Variants in ST8SIA2 observed in about 807,000 individuals in gnomAD.
ST8SIA2 encodes the protein ST8 alpha-N-acetyl-neuraminide alpha-2,8-sialyltransferase 2, also known as alpha-2,8-sialyltransferase 8B.
A neutral mutation model predicts 37.6 loss-of-function variants in ST8SIA2; 22 were observed. That is an observed-to-expected ratio of 0.58 (90% confidence interval 0.42 to 0.83). The LOEUF (loss-of-function observed/expected upper bound fraction) is 0.83. Among genes scored for constraint, ST8SIA2 ranks in the 40% least tolerant of loss-of-function variants. The pLI is 0.00. For synonymous variants in ST8SIA2, 205 were observed against 201.2 expected (o/e 1.02, Z -0.16); for missense variants, 382 against 484.7 (o/e 0.79, Z 1.99).
intron 1 of ST8SIA2, among the ~76,000 whole-genome samples, chr15:92,424,413 T>C (rs753911223): frequency 1.7e-4 from 26 of 152,108 alleles, no homozygotes; most frequent in Non-Finnish European, 3.1e-4. Flanking sequence ...AAATAAACAA[T>C]TGGGCTTGGA....
intron 5 of ST8SIA2, among the ~76,000 whole-genome samples, chr15:92,457,307 C>G (rs1304571850): frequency 1.3e-5 from 2 of 152,194 alleles, no homozygotes; most frequent in African/African-American, 4.8e-5. Flanking sequence ...GTGACAGCCA[C>G]TATTCTTTCC....
chr15:92,422,832 C>T (rs1259610372), intron 1 of ST8SIA2: 1 of 152,582 alleles, frequency 6.6e-6, no homozygotes, highest in East Asian at 1.9e-4. Flanking sequence ...AAGCACTTGT[C>T]AGCTGGTGGG....
chr15:92,399,617 A>G (rs1035339802), intron 1 of ST8SIA2, among the ~76,000 whole-genome samples: 4 of 152,190 alleles, frequency 2.6e-5, no homozygotes, highest in Non-Finnish European at 4.4e-5. Context: ...AAAAAAGCCC[A>G]TTCTTCTCCC....
At chr15:92,432,778 G>A (rs1318305184) in intron 2 of ST8SIA2, among the ~76,000 whole-genome samples, 1 of 152,170 alleles carries the variant, frequency 6.6e-6, no homozygotes. Flanking sequence ...GGAGGTGGGT[G>A]CATGAAGGGA....
In ST8SIA2 at chr15:92,464,474, C is replaced by A; in HGVS notation, c.*89C>A. The stretch of plus-strand genomic sequence containing the variant: ...AGTCGGGGTGGCACAAACAATAGAA[C>A]AAGCAGGCTAGTGGTTTTCTTTGTT... On this transcript the variant is annotated 3_prime_UTR_variant, in exon 6 of 6. Coordinates refer to ENST00000268164, the MANE Select transcript of ST8SIA2 (RefSeq NM_006011.4). 6.9e-7 allele frequency: 1 copy of A among 1,442,630 alleles called. No homozygotes were observed. The highest frequency in any genetic ancestry group is 9.7e-7 in the Non-Finnish European group (1 of 1,026,286). The allele number at this position is 1,442,630 out of a possible 1,614,324, so 89.4% of individuals were successfully genotyped here. A position where few individuals can be genotyped will look rare whatever the true frequency, so the allele number is the denominator to read the frequency against.
In ST8SIA2 at chr15:92,393,962, C is replaced by G; in HGVS notation, c.-103C>G. 1 of 689,586 alleles carries G rather than the reference C, an allele frequency of 1.5e-6. No homozygotes were observed. Among genetic ancestry groups the G allele is most frequent in the Non-Finnish European group, 2.1e-6 (1 of 480,122 alleles). The allele number at this position is 689,586 out of a possible 1,614,324, so 42.7% of individuals were successfully genotyped here. A position where few individuals can be genotyped will look rare whatever the true frequency, so the allele number is the denominator to read the frequency against. On this transcript the variant is annotated 5_prime_UTR_variant, in exon 1 of 6. Coordinates refer to ENST00000268164, the MANE Select transcript of ST8SIA2 (RefSeq NM_006011.4). ...CTCGTCCGGAGCGCAGGGTGTCTGC[C>G]CAGCTGCGCGCGGCGCGCGGAGGCT...
At chr15:92,428,923 A>G (rs114014141) in intron 1 of ST8SIA2, among the ~76,000 whole-genome samples, 18 of 152,338 alleles carry the variant, frequency 1.2e-4, no homozygotes, top group African/African-American at 4.3e-4. Context: ...AGACATGTAC[A>G]TATAAGCATG....
rs2050005325 is a variant in ST8SIA2, at chr15:92,468,035, T to C, written c.*3650T>C. On this transcript the variant is annotated 3_prime_UTR_variant, in exon 6 of 6. Coordinates refer to ENST00000268164, the MANE Select transcript of ST8SIA2 (RefSeq NM_006011.4). ...ATCCCGTCAGCCACCCAGTCTGAGA[T>C]GCTGACGTTATCTTCGACTATTCTT... 1.3e-5 allele frequency: 2 copies of C among 152,294 alleles called. No homozygotes were observed. Among genetic ancestry groups the C allele is most frequent in the East Asian group, 1.9e-4 (1 of 5,194 alleles). The allele number at this position is 152,294 out of a possible 1,614,324, so 9.4% of individuals were successfully genotyped here. A position where few individuals can be genotyped will look rare whatever the true frequency, so the allele number is the denominator to read the frequency against.
intron 1 of ST8SIA2, among the ~76,000 whole-genome samples, chr15:92,403,608 G>GTATC (rs1440569374): frequency 1.3e-5 from 2 of 152,148 alleles, no homozygotes; most frequent in African/African-American, 4.8e-5. Context: ...GCGGAGGAGT[G>GTATC]ATACCCAGGG....
chr15:92,466,204 G>C lies in ST8SIA2; in HGVS notation c.*1819G>C, dbSNP rs2049990926. 1 of 152,218 alleles carries C rather than the reference G, an allele frequency of 6.6e-6. No individual in the cohort carries two copies. Among genetic ancestry groups the C allele is most frequent in the African/African-American group, 2.4e-5 (1 of 41,442 alleles). The allele number at this position is 152,218 out of a possible 1,614,324, so 9.4% of individuals were successfully genotyped here. Reference sequence around the variant, plus strand: ...TCCCTTGTTGTTGCTTGAAGTCTGTGATTGGGGATTTGCGTTATAAAATGA... The same window carrying C: ...TCCCTTGTTGTTGCTTGAAGTCTGTCATTGGGGATTTGCGTTATAAAATGA... On this transcript the variant is annotated 3_prime_UTR_variant, in exon 6 of 6. Coordinates refer to ENST00000268164, the MANE Select transcript of ST8SIA2 (RefSeq NM_006011.4).
chr15:92,394,231 C>T (rs1414669256), intron 1 of ST8SIA2, 69 bp downstream of exon 1: 2 of 1,301,514 alleles, frequency 1.5e-6, no homozygotes, highest in Non-Finnish European at 2.2e-6. Context: ...GTACTCTCCA[C>T]CCTCCGACCC....
chr15:92,443,384 G>A (rs986478081), intron 4 of ST8SIA2, among the ~76,000 whole-genome samples: 3 of 152,316 alleles, frequency 2.0e-5, no homozygotes, highest in Middle Eastern at 3.4e-3. Context: ...CTCCCACAAG[G>A]AAGTCATCAG....
intron 5 of ST8SIA2, among the ~76,000 whole-genome samples, chr15:92,462,899 T>A (rs547855953): frequency 6.6e-6 from 1 of 152,294 alleles, no homozygotes; most frequent in East Asian, 1.9e-4. Context: ...AGAGGGAGAA[T>A]AACTGTGATG....
chr15:92,408,511 G>C (rs2049524574), intron 1 of ST8SIA2, among the ~76,000 whole-genome samples: 1 of 152,092 alleles, frequency 6.6e-6, no homozygotes, highest in South Asian at 2.1e-4. Context: ...AAGGGATGAA[G>C]GGGAGGGAGT....
In ST8SIA2 at chr15:92,394,157, A is replaced by G. The variant is rs1024134032; in HGVS notation, c.93A>G (p.Glu31=). ...IFADISEIEE[E]IGNSGGRGTI... ...CAGACATCTCAGAGATCGAAGAAGAAATCGGGTAAATAGCTGCTCCCAGGC... is the reference window on the plus strand; with the variant it reads ...CAGACATCTCAGAGATCGAAGAAGAGATCGGGTAAATAGCTGCTCCCAGGC... Residue 31 remains glutamate (E), a synonymous_variant, in exon 1 of 6, where the codon GAA becomes GAG. Coordinates refer to ENST00000268164, the MANE Select transcript of ST8SIA2 (RefSeq NM_006011.4). 1.9e-6 allele frequency: 3 copies of G among 1,555,016 alleles called. No homozygotes were observed. The Admixed American group carries it at 5.8e-5, about 30-fold the overall frequency.
At chr15:92,401,230 C>T (rs865862058) in intron 1 of ST8SIA2, among the ~76,000 whole-genome samples, 14 of 152,318 alleles carry the variant, frequency 9.2e-5, no homozygotes, top group African/African-American at 2.6e-4. Context: ...GCTCATCTTC[C>T]GGAGAGGCAC....
chr15:92,443,362 C>A (rs554996092), intron 4 of ST8SIA2, among the ~76,000 whole-genome samples: 6 of 152,314 alleles, frequency 3.9e-5, no homozygotes, highest in South Asian at 2.1e-4. Context: ...GGTGTGCACA[C>A]CCAGGCCGGG....
At chr15:92,451,485 T>C (rs1014336948) in intron 5 of ST8SIA2, among the ~76,000 whole-genome samples, 38 of 152,228 alleles carry the variant, frequency 2.5e-4, no homozygotes, top group African/African-American at 9.2e-4. Context: ...CAGTTGAGGT[T>C]GCCCTTGCCC....
At chr15:92,457,201 CT>C (rs2049925737) in intron 5 of ST8SIA2, among the ~76,000 whole-genome samples, 1 of 152,340 alleles carries the variant, frequency 6.6e-6, no homozygotes, top group African/African-American at 2.4e-5. Context: ...TGATGACCAC[CT>C]GTGAGGCATT....
Sources: gnomAD v4.1 joint callset for allele counts (sites outside exome capture counted in the v4.1 genomes callset) on GRCh38, gnomAD v4.1.1 for gene constraint, MANE v1.5 for transcripts, NCBI Gene and HGNC (gene_info 2026-07-23, HGNC 2026-07-21) for gene names.